PDZD9: variants seen among roughly 807,000 people sequenced by gnomAD.
The protein encoded by PDZD9 is PDZ domain containing 9.
Under a neutral mutation model 16.3 loss-of-function variants are expected in PDZD9, and 13 were observed. The observed-to-expected ratio is 0.80, with a 90% CI of 0.52 to 1.27. The LOEUF (loss-of-function observed/expected upper bound fraction) is 1.27. Ranked by LOEUF, PDZD9 falls within the 50% of genes most tolerant of loss-of-function variation. The pLI, the probability that PDZD9 is intolerant of heterozygous loss-of-function variation, is 0.00. For synonymous variants in PDZD9, 120 were observed against 111.0 expected (o/e 1.08, Z -0.51); for missense variants, 288 against 310.9 (o/e 0.93, Z 0.55).
chr16:21,971,406 CTTATT>C, the PDZD9 span: 1 of 795,892 alleles, frequency 1.3e-6, no homozygotes, highest in South Asian at 1.9e-5. Context: ...CAGGAAGACT[CTTATT>C]TATTTTGTAG....
At chr16:21,970,195 G>A in the PDZD9 span, among the ~76,000 whole-genome samples, 1 of 152,104 alleles carries the variant, frequency 6.6e-6, no homozygotes, top group African/African-American at 2.4e-5. Context: ...ACCACATTTT[G>A]TTTATTCATT....
At chr16:21,970,068 T>C in the PDZD9 span, among the ~76,000 whole-genome samples, 3 of 152,142 alleles carry the variant, frequency 2.0e-5, no homozygotes, top group African/African-American at 7.2e-5. Flanking sequence ...TCATACGATA[T>C]GTGGCCTTTT....
chr16:21,988,691 T>A lies in PDZD9; in HGVS notation c.312A>T (p.Gln104His), dbSNP rs1364678550. Residue 104 changes from glutamine to histidine, a missense_variant, in exon 3 of 4, where the codon CAA (glutamine) becomes CAT (histidine). Coordinates refer to ENST00000424898, the MANE Select transcript of PDZD9 (RefSeq NM_001363519.1). ...TAATAAAATCTCGGTAAACCTTGAT[T>A]TGTAGCACTGTTCCAATAGTGATAT... ...LQHITIGTVLQIKVYRDFINI... is the reference protein window; with the variant it reads ...LQHITIGTVLHIKVYRDFINI... 6 of 1,612,968 alleles carry A rather than the reference T, an allele frequency of 3.7e-6. No homozygotes were observed. The African/African-American group carries it at 8.0e-5, about 22-fold the overall frequency.
chr16:21,966,707 G>A, the PDZD9 span, among the ~76,000 whole-genome samples: 4 of 152,140 alleles, frequency 2.6e-5, no homozygotes, highest in South Asian at 6.2e-4. Context: ...ACAGGCAGCC[G>A]TTTTCATAAG....
the PDZD9 span, chr16:21,965,439 C>T: frequency 6.2e-7 from 1 of 1,613,912 alleles, no homozygotes; most frequent in Non-Finnish European, 8.5e-7. Flanking sequence ...CAGCAGCTTA[C>T]CGGAATGCCT....
intron 2 of PDZD9, among the ~76,000 whole-genome samples, chr16:21,994,665 C>T (rs963805598): frequency 1.3e-5 from 2 of 152,234 alleles, no homozygotes; most frequent in Non-Finnish European, 1.5e-5. Flanking sequence ...GAAATGAGAT[C>T]GTGCAGCTAA....
At chr16:21,984,788 G>A (rs1331445571) in intron 3 of PDZD9, 128 bp from the exon 4 acceptor site, 3 of 615,248 alleles carry the variant, frequency 4.9e-6, no homozygotes, top group Non-Finnish European at 7.4e-6. Flanking sequence ...TTACCTTTCT[G>A]TGTCATTGAA....
the PDZD9 span, among the ~76,000 whole-genome samples, chr16:21,965,990 T>G: frequency 2.6e-4 from 39 of 152,040 alleles, no homozygotes; most frequent in African/African-American, 9.4e-4. Context: ...AGCCTGTGTA[T>G]CTTTTTTAAA....
At chr16:21,965,327 G>A in the PDZD9 span, 5 of 1,349,370 alleles carry the variant, frequency 3.7e-6, no homozygotes, top group Non-Finnish European at 5.2e-6. Context: ...AATTTGTATA[G>A]GCTTGTTGCT....
At chr16:21,987,235 C>T (rs149340181) in intron 3 of PDZD9, among the ~76,000 whole-genome samples, 3 of 152,200 alleles carry the variant, frequency 2.0e-5, no homozygotes, top group Admixed American at 6.5e-5. Flanking sequence ...GCCTGGCCAA[C>T]GTGGTGAAAC....
intron 1 of PDZD9, among the ~76,000 whole-genome samples, chr16:21,997,058 A>G (rs1195320394): frequency 1.3e-5 from 2 of 152,122 alleles, no homozygotes; most frequent in African/African-American, 4.8e-5. Flanking sequence ...CCTGGACTCA[A>G]GCAATCCTCC....
intron 2 of PDZD9, among the ~76,000 whole-genome samples, chr16:21,993,530 C>G (rs1216959033): frequency 6.6e-6 from 1 of 152,172 alleles, no homozygotes; most frequent in Non-Finnish European, 1.5e-5. Flanking sequence ...TATGTATCTG[C>G]TTTCTTCTTT....
chr16:21,987,267 A>G (rs1485184212), intron 3 of PDZD9, among the ~76,000 whole-genome samples: 3 of 152,110 alleles, frequency 2.0e-5, no homozygotes, highest in Non-Finnish European at 2.9e-5. Context: ...TAAAAATACA[A>G]AAATTAGCTG....
At chr16:21,959,426 C>G in the PDZD9 span, 1 of 199,620 alleles carries the variant, frequency 5.0e-6, no homozygotes, top group East Asian at 1.6e-4. Context: ...CTCATCTGTT[C>G]AAGCTTTATC....
At chr16:21,968,018 T>TTTG in the PDZD9 span, among the ~76,000 whole-genome samples, 1 of 150,872 alleles carries the variant, frequency 6.6e-6, no homozygotes, top group Non-Finnish European at 1.5e-5. Flanking sequence ...TTTTTTTTTT[T>TTTG]TGAGACAGAG....
intron 2 of PDZD9, among the ~76,000 whole-genome samples, chr16:21,990,358 A>G (rs895354129): frequency 6.6e-6 from 1 of 152,176 alleles, no homozygotes; most frequent in Non-Finnish European, 1.5e-5. Flanking sequence ...TCTCTGATGC[A>G]TGCACTGGGC....
At chr16:21,964,281 A>C in the PDZD9 span, among the ~76,000 whole-genome samples, 484 of 152,324 alleles carry the variant, frequency 3.2e-3, 2 homozygotes, top group African/African-American at 0.01. Flanking sequence ...CACTGGCGGC[A>C]GTGAGGCACC....
chr16:21,962,373 T>C, the PDZD9 span: 3 of 1,498,856 alleles, frequency 2.0e-6, no homozygotes, highest in Non-Finnish European at 2.8e-6. Flanking sequence ...AAATTTTCTT[T>C]CCAAAGGAAT....
chr16:21,987,217 C>T (rs1225062487), intron 3 of PDZD9, among the ~76,000 whole-genome samples: 1 of 152,072 alleles, frequency 6.6e-6, no homozygotes. Flanking sequence ...GTCAGGAGTT[C>T]GAAACCAGCC....
Sources: gnomAD v4.1 joint callset for allele counts (sites outside exome capture counted in the v4.1 genomes callset) on GRCh38, gnomAD v4.1.1 for gene constraint, MANE v1.5 for transcripts, NCBI Gene and HGNC (gene_info 2026-07-23, HGNC 2026-07-21) for gene names.